Variants in EIF3H observed in about 807,000 individuals in gnomAD.
EIF3H encodes the protein eukaryotic translation initiation factor 3 subunit H.
In EIF3H, 26 loss-of-function variants were observed where a neutral mutation model predicts 44.2. That is an observed-to-expected ratio of 0.59 (90% confidence interval 0.43 to 0.82). The LOEUF is 0.82. Ranked by LOEUF, EIF3H falls within the 40% of genes least tolerant of loss-of-function variation. The pLI is 0.00. For synonymous variants in EIF3H, 166 were observed against 151.9 expected (o/e 1.09, Z -0.68); for missense variants, 359 against 432.8 (o/e 0.83, Z 1.51).
chr8:116,765,279 A>T (rs978529063), intron 1 of EIF3H, among the ~76,000 whole-genome samples: 4 of 152,236 alleles, frequency 2.6e-5, no homozygotes, highest in Non-Finnish European at 5.9e-5. Context: ...AAATGAAAGC[A>T]ACCATCTAAG....
At chr8:116,687,033 G>C (rs1814089992) in intron 2 of EIF3H, among the ~76,000 whole-genome samples, 1 of 152,154 alleles carries the variant, frequency 6.6e-6, no homozygotes, top group African/African-American at 2.4e-5. Context: ...TTTAGTTGAA[G>C]AGTGACACTC....
chr8:116,693,661 C>A (rs1303223728), intron 2 of EIF3H, among the ~76,000 whole-genome samples: 1 of 151,872 alleles, frequency 6.6e-6, no homozygotes. Context: ...ACAGAGGTAA[C>A]CACTCTTTCC....
At chr8:116,695,204 T>A (rs1418602641) in intron 2 of EIF3H, among the ~76,000 whole-genome samples, 1 of 151,646 alleles carries the variant, frequency 6.6e-6, no homozygotes, top group Non-Finnish European at 1.5e-5. Flanking sequence ...AGTAGCTGGG[T>A]TTACAGGCAT....
intron 1 of EIF3H, among the ~76,000 whole-genome samples, chr8:116,730,205 C>T (rs550532722): frequency 5.3e-5 from 8 of 152,292 alleles, no homozygotes; most frequent in South Asian, 2.1e-4. Flanking sequence ...CCCAAGGCCA[C>T]GGACAGGTAC....
At chr8:116,741,067 A>G (rs1357995680) in intron 1 of EIF3H, among the ~76,000 whole-genome samples, 1 of 152,192 alleles carries the variant, frequency 6.6e-6, no homozygotes, top group African/African-American at 2.4e-5. Context: ...TTTATGTTTT[A>G]GAATCATCAA....
chr8:116,657,726 T>C (rs1456880543), intron 3 of EIF3H: 1 of 172,706 alleles, frequency 5.8e-6, no homozygotes, highest in Admixed American at 6.3e-5. Context: ...TTAAAATGAA[T>C]AGCCCCGCAC....
chr8:116,724,519 C>T (rs545430337), intron 2 of EIF3H, among the ~76,000 whole-genome samples: 23 of 151,612 alleles, frequency 1.5e-4, no homozygotes, highest in Non-Finnish European at 3.1e-4. Context: ...AGGCAACTTA[C>T]AAAATGGGAG....
intron 3 of EIF3H, 60 bp from the exon 4 acceptor site, chr8:116,657,374 C>T: frequency 7.7e-7 from 1 of 1,297,644 alleles, no homozygotes; most frequent in South Asian, 1.2e-5. Context: ...GCTTGAATGG[C>T]ATTGGTTCTA....
At chr8:116,762,387 T>G (rs1815526465) in intron 1 of EIF3H, among the ~76,000 whole-genome samples, 1 of 152,250 alleles carries the variant, frequency 6.6e-6, no homozygotes, top group Non-Finnish European at 1.5e-5. Context: ...GCTCCTCTTA[T>G]CTGCTTTGCC....
chr8:116,653,307 T>A, intron 5 of EIF3H, among the ~76,000 whole-genome samples: 1 of 146,398 alleles, frequency 6.8e-6, no homozygotes, highest in East Asian at 2.1e-4. Context: ...TTTCATAACT[T>A]TTATATTATG....
In EIF3H at chr8:116,755,779, C is replaced by G. The variant is rs766250176; in HGVS notation, c.19G>C (p.Gly7Arg). The G allele has an allele frequency of 6.2e-7, 1 of 1,613,968 alleles. No homozygotes were observed. Among genetic ancestry groups the G allele is most frequent in the Non-Finnish European group, 8.5e-7 (1 of 1,180,028 alleles). ...GAAGAGGTGGCAGTAGAGCCGGTAC[C>G]TTCCTTGCGGGACGCCATCTTTCCA... MASRKE[G>R]TGSTATSSSS... Residue 7 changes from glycine (G) to arginine (R), a missense_variant, in exon 1 of 8, where the codon GGT becomes CGT. Around this residue, in one of 5 missense-constraint regions of EIF3H, gnomAD observed 59 missense variants for 33.5 expected, o/e 1.76. Coordinates refer to ENST00000521861, the MANE Select transcript of EIF3H (RefSeq NM_003756.3).
At chr8:116,760,919 CTTCTTTA>C (rs1815513192) in intron 1 of EIF3H, among the ~76,000 whole-genome samples, 1 of 152,080 alleles carries the variant, frequency 6.6e-6, no homozygotes, top group South Asian at 2.1e-4. Context: ...AATCTTTAAA[CTTCTTTA>C]AGTAACAGTA....
At chr8:116,710,956 T>A (rs1814564205) in intron 2 of EIF3H, among the ~76,000 whole-genome samples, 1 of 152,260 alleles carries the variant, frequency 6.6e-6, no homozygotes, top group South Asian at 2.1e-4. Context: ...GATTTCCTGT[T>A]ATGCCTATCT....
chr8:116,741,221 T>C (rs1815126608), intron 1 of EIF3H, among the ~76,000 whole-genome samples: 4 of 152,320 alleles, frequency 2.6e-5, no homozygotes, highest in Middle Eastern at 6.8e-3. Flanking sequence ...GCACAGACAC[T>C]TGTCTCCCCA....
intron 1 of EIF3H, among the ~76,000 whole-genome samples, chr8:116,727,458 G>A (rs900547577): frequency 2.2e-4 from 34 of 152,188 alleles, no homozygotes; most frequent in African/African-American, 8.2e-4. Flanking sequence ...CAGAGATAAA[G>A]AAGCCAAGTT....
chr8:116,669,427 T>C (rs1266394279), intron 2 of EIF3H, among the ~76,000 whole-genome samples: 3 of 152,104 alleles, frequency 2.0e-5, no homozygotes, highest in Non-Finnish European at 4.4e-5. Context: ...AGGAAAACAC[T>C]GAGAAGAGCA....
chr8:116,729,269 T>C (rs992598796), intron 1 of EIF3H, among the ~76,000 whole-genome samples: 2 of 152,232 alleles, frequency 1.3e-5, no homozygotes, highest in African/African-American at 4.8e-5. Flanking sequence ...CAAAAGGGAA[T>C]ACTGGTGACT....
intron 5 of EIF3H, among the ~76,000 whole-genome samples, chr8:116,653,576 G>C (rs1813434312): frequency 6.6e-6 from 1 of 152,172 alleles, no homozygotes; most frequent in South Asian, 2.1e-4. Context: ...ATAAACAGAT[G>C]TGAACCAGGA....
At chr8:116,723,399 T>G (rs1814784602) in intron 2 of EIF3H, among the ~76,000 whole-genome samples, 1 of 151,654 alleles carries the variant, frequency 6.6e-6, no homozygotes, top group Non-Finnish European at 1.5e-5. Context: ...GGGAGGTAAT[T>G]CAAATGAAAT....
Sources: gnomAD v4.1 joint callset for allele counts (sites outside exome capture counted in the v4.1 genomes callset) on GRCh38, gnomAD v4.1.1 for gene constraint, gnomAD v4.1.1 regional missense constraint, MANE v1.5 for transcripts, NCBI Gene and HGNC (gene_info 2026-07-23, HGNC 2026-07-21) for gene names.